The following RRBP1 variants were observed in gnomAD, a reference collection of about 807,000 sequenced individuals.
RRBP1 encodes ribosome binding protein 1, also known as ribosome-binding protein 1.
A neutral mutation model predicts 165.2 loss-of-function variants in RRBP1; 94 were observed. The ratio of observed to expected loss-of-function variants is 0.57; its 90% CI spans 0.48 to 0.68. The LOEUF (loss-of-function observed/expected upper bound fraction) is 0.68. RRBP1 is among the 30% of genes least tolerant of loss of function. The pLI, the probability that RRBP1 is intolerant of heterozygous loss-of-function variation, is 0.00. For synonymous variants in RRBP1, 680 were observed against 714.5 expected, an observed-to-expected ratio of 0.95 and a Z score of 0.77; for missense variants, 1,676 against 1,763.0, an observed-to-expected ratio of 0.95 and a Z score of 0.88.
In RRBP1 at chr20:17,636,606, C is replaced by T. The variant is rs77969025; in HGVS notation, c.2308G>A (p.Val770Met). Residue 770 changes from valine (V) to methionine (M), a missense_variant, in exon 6 of 25, where the codon GTG becomes ATG. Around this residue, in one of 5 missense-constraint regions of RRBP1, gnomAD observed 1,184 missense variants for 1,167.1 expected, o/e 1.01. Transcript: ENST00000377813. ...CCCTGCAGCTGCTGCACCTCCTTCA[C>T]GTGCTCCCGGTAGCTGGCCTGCATG... ...ARMQASYREH[V>M]KEVQQLQGKI... The T allele has an allele frequency of 1.6e-4, 250 of 1,612,328 alleles. No individual in the cohort carries two copies. In the East Asian group the frequency reaches 4.8e-3, roughly 31 times the overall value.
chr20:17,649,990 C>T lies in RRBP1; in HGVS notation c.1913-6863G>A, dbSNP rs1369612773. Among the ~76,000 whole-genome samples, 3 of 152,072 alleles carry T rather than the reference C, an allele frequency of 2.0e-5. No individual in the cohort carries two copies. In the East Asian group the frequency reaches 5.8e-4, roughly 29 times the overall value. ...CTTCTGGAGGCCTCAGAAGAGCTGG[C>T]ACTACCTTTCCTCATTCCAGACCCC... On this transcript the variant is annotated intron_variant, in intron 3 of 24. Transcript: ENST00000377813.
In RRBP1 at chr20:17,614,058, C is replaced by T; in HGVS notation, c.*124G>A. 1 of 894,632 alleles carries T rather than the reference C, an allele frequency of 1.1e-6. No homozygotes were observed. The highest frequency in any genetic ancestry group is 1.8e-6 in the Non-Finnish European group (1 of 553,634). 55.4% of individuals were successfully genotyped at this position (894,632 alleles called of 1,614,324 possible). On this transcript the variant is annotated 3_prime_UTR_variant, in exon 25 of 25. Transcript: ENST00000377813. ...GCTCTAAGAGACTTGTCTCTCATGGCTTCTCTCGGAGCTACCGGAAGTTGG... is the reference window on the plus strand; with the variant it reads ...GCTCTAAGAGACTTGTCTCTCATGGTTTCTCTCGGAGCTACCGGAAGTTGG...
At chr20:17,666,183 T>C (rs532156882) in intron 2 of RRBP1, among the ~76,000 whole-genome samples, 3 of 152,308 alleles carry the variant, frequency 2.0e-5, no homozygotes, top group South Asian at 4.1e-4. Flanking sequence ...TCAATGAATA[T>C]GGTATGCTAG....
chr20:17,638,048 C>T (rs977456389), intron 5 of RRBP1, among the ~76,000 whole-genome samples: 1 of 152,156 alleles, frequency 6.6e-6, no homozygotes, highest in Non-Finnish European at 1.5e-5. Flanking sequence ...CCAAGGGGTT[C>T]CCAGAAAGGG....
chr20:17,630,080 C>A, intron 8 of RRBP1, 119 bp from the exon 9 acceptor site: 1 of 1,155,842 alleles, frequency 8.7e-7, no homozygotes, highest in Non-Finnish European at 1.2e-6. Context: ...GTCTCTGGTC[C>A]ATGTGGGAAG....
At chr20:17,615,034 G>A (rs1042483350) in intron 23 of RRBP1, among the ~76,000 whole-genome samples, 154 bp from the exon 24 acceptor site, 2 of 152,186 alleles carry the variant, frequency 1.3e-5, no homozygotes, top group African/African-American at 4.8e-5. Context: ...TGACGACAGG[G>A]AGGAAACCGC....
At chr20:17,647,982 C>T (rs377361122) in intron 3 of RRBP1, among the ~76,000 whole-genome samples, 4 of 152,270 alleles carry the variant, frequency 2.6e-5, no homozygotes, top group African/African-American at 9.6e-5. Flanking sequence ...GACCCTGGGG[C>T]CCCAGGAAAG....
At chr20:17,642,827 C>T (rs1426900156) in intron 4 of RRBP1, 152 bp downstream of exon 4, 1 of 852,874 alleles carries the variant, frequency 1.2e-6, no homozygotes, top group African/African-American at 1.7e-5. Flanking sequence ...GCCAAAGCAC[C>T]TGCGAGCGAT....
intron 13 of RRBP1, among the ~76,000 whole-genome samples, chr20:17,623,944 A>G (rs2035962357): frequency 6.6e-6 from 1 of 151,630 alleles, no homozygotes; most frequent in Non-Finnish European, 1.5e-5. Context: ...AAAAAAAAAA[A>G]GTCTCCTCAC....
At chr20:17,681,111 A>T (rs1300328162) in intron 1 of RRBP1, among the ~76,000 whole-genome samples, 1 of 150,976 alleles carries the variant, frequency 6.6e-6, no homozygotes, top group Non-Finnish European at 1.5e-5. Flanking sequence ...CGGGGCGGGC[A>T]CCAGGCCGGG....
Position 17,615,471 on chromosome 20 carries a change from G to A in RRBP1, c.4010C>T (p.Pro1337Leu), listed in dbSNP as rs1313715587. 4.3e-6 allele frequency: 7 copies of A among 1,609,320 alleles called. No homozygotes were observed. In the Admixed American group the frequency reaches 8.5e-5, roughly 20 times the overall value. Reference sequence around the variant, plus strand: ...CTCCTCTGTTTCTGAAGACTCTAGGGGGCCGGCTGTGCGGAGCTTCTCCAA... The same window carrying A: ...CTCCTCTGTTTCTGAAGACTCTAGGAGGCCGGCTGTGCGGAGCTTCTCCAA... ...EELEKLRTAG[P>L]LESSETEEAS... The change falls in exon 23 of 25, where the codon CCC becomes CTC. Residue 1337 changes from proline to leucine, a missense_variant. Coordinates refer to ENST00000377813, the MANE Select transcript of RRBP1 (RefSeq NM_001365613.2).
chr20:17,618,539 TCACA>T, intron 20 of RRBP1, 53 bp downstream of exon 20: 1 of 1,303,234 alleles, frequency 7.7e-7, no homozygotes, highest in South Asian at 1.2e-5. Flanking sequence ...CAAATGCATC[TCACA>T]CACGCAACGC....
rs1443110023 is a variant in RRBP1, at chr20:17,660,446, G to GA, written c.61dup (p.Ser21PhefsTer19). The GA allele has an allele frequency of 6.2e-7, 1 of 1,614,080 alleles. No individual in the cohort carries two copies. Among genetic ancestry groups the GA allele is most frequent in the Non-Finnish European group, 8.5e-7 (1 of 1,180,054 alleles). ...CGACACCAGGAAGATGCCAATGGCA[G>GA]AAACAACCATGAATCCTCCAAAGAC... On this transcript the variant is annotated frameshift_variant, in exon 3 of 25. Transcript: ENST00000377813. LOFTEE classifies it high-confidence loss of function.
At chr20:17,618,769 T>C (rs909777516) in intron 19 of RRBP1, 90 bp from the exon 20 acceptor site, 20 of 996,682 alleles carry the variant, frequency 2.0e-5, no homozygotes, top group Non-Finnish European at 3.0e-5. Flanking sequence ...ACATAAAACC[T>C]AACACATCCA....
Position 17,614,729 on chromosome 20 carries a change from G to C in RRBP1, c.4194+8C>G, listed in dbSNP as rs1346546397. The C allele has an allele frequency of 2.2e-5, 36 of 1,610,736 alleles. No individual in the cohort carries two copies. Among genetic ancestry groups the C allele is most frequent in the Non-Finnish European group, 3.1e-5 (36 of 1,179,970 alleles). ...TCCTCCCGCCCTGCTTTGGCGCCAG[G>C]CACGCACTGCCTTTTCCAGCTGTTC... On this transcript the variant is annotated splice_region_variant and intron_variant, in intron 24 of 24. Transcript: ENST00000377813.
intron 24 of RRBP1, among the ~76,000 whole-genome samples, chr20:17,614,510 C>T (rs2035753747): frequency 6.6e-6 from 1 of 152,146 alleles, no homozygotes; most frequent in Non-Finnish European, 1.5e-5. Context: ...ACTCGCTTCC[C>T]AGCAAGGGAA....
chr20:17,673,433 G>C (rs1414240008), intron 2 of RRBP1, among the ~76,000 whole-genome samples: 1 of 152,068 alleles, frequency 6.6e-6, no homozygotes, highest in Non-Finnish European at 1.5e-5. Context: ...TTTTGTGATG[G>C]AGTCTCACTT....
chr20:17,665,101 C>CAT (rs2036844257), intron 2 of RRBP1, among the ~76,000 whole-genome samples: 1 of 149,406 alleles, frequency 6.7e-6, no homozygotes, highest in African/African-American at 2.6e-5. Flanking sequence ...CCTGTGTATA[C>CAT]ATATATATGT....
intron 12 of RRBP1, among the ~76,000 whole-genome samples, chr20:17,625,192 C>G (rs911008680): frequency 6.6e-5 from 10 of 152,294 alleles, no homozygotes; most frequent in Middle Eastern, 6.8e-3. Context: ...ATCCCCTTCT[C>G]CTGGGACCAG....
Sources: allele counts gnomAD v4.1 joint callset (sites outside exome capture counted in the v4.1 genomes callset), GRCh38; gene constraint gnomAD v4.1.1; regional missense constraint gnomAD v4.1.1; transcripts MANE v1.5; gene names NCBI Gene and HGNC (gene_info 2026-07-23, HGNC 2026-07-21).